The following EBF2 variants were observed in gnomAD, a reference collection of about 807,000 sequenced individuals.
EBF2 encodes the protein EBF transcription factor 2, also known as transcription factor COE2.
EBF2 carries 21 observed loss-of-function variants against 72.8 expected under a neutral mutation model. The ratio of observed to expected loss-of-function variants is 0.29; its 90% CI spans 0.20 to 0.42. The LOEUF (loss-of-function observed/expected upper bound fraction) is 0.42. EBF2 is among the 10% of genes least tolerant of loss of function. EBF2 has a pLI of 1.00. For synonymous variants in EBF2, 299 were observed against 274.2 expected, an observed-to-expected ratio of 1.09 and a Z score of -0.89; for missense variants, 637 against 731.2, an observed-to-expected ratio of 0.87 and a Z score of 1.49.
At chr8:25,953,581 T>G (rs1241171407) in intron 6 of EBF2, among the ~76,000 whole-genome samples, 1 of 152,042 alleles carries the variant, frequency 6.6e-6, no homozygotes, top group Non-Finnish European at 1.5e-5. Flanking sequence ...CTGAATGCAG[T>G]CAGGGCAGCT....
At chr8:25,910,252 C>T (rs533651594) in intron 6 of EBF2, among the ~76,000 whole-genome samples, 2 of 152,308 alleles carry the variant, frequency 1.3e-5, no homozygotes, top group South Asian at 2.1e-4. Context: ...TTTGTACACT[C>T]GTAGCAGAGT....
At chr8:26,006,131 C>T (rs772295311) in intron 6 of EBF2, among the ~76,000 whole-genome samples, 51 of 152,230 alleles carry the variant, frequency 3.4e-4, no homozygotes, top group Middle Eastern at 3.4e-3. Context: ...GAAAGCTGAT[C>T]CAGGTGATCT....
At chr8:25,864,557 T>G (rs980480388) in intron 10 of EBF2, among the ~76,000 whole-genome samples, 1 of 152,062 alleles carries the variant, frequency 6.6e-6, no homozygotes, top group Non-Finnish European at 1.5e-5. Flanking sequence ...TGTATACATA[T>G]ATGAATGTTT....
intron 6 of EBF2, among the ~76,000 whole-genome samples, chr8:25,914,162 G>A (rs1008471493): frequency 6.6e-6 from 1 of 152,194 alleles, no homozygotes; most frequent in African/African-American, 2.4e-5. Context: ...TTCTCACTCT[G>A]AGAATGGCCC....
chr8:25,935,014 T>A (rs1803552088), intron 6 of EBF2, among the ~76,000 whole-genome samples: 1 of 152,142 alleles, frequency 6.6e-6, no homozygotes, highest in Non-Finnish European at 1.5e-5. Flanking sequence ...TTGCAAGCTG[T>A]TTCTCGCCAG....
At position 25,924,736 on chromosome 8, in the gene EBF2, G is replaced by A. The variant is rs182139111; in HGVS notation, c.552-16181C>T. Among the ~76,000 whole-genome samples the A allele has an allele frequency of 1.4e-4, 21 of 152,330 alleles. No homozygotes were observed. The East Asian group carries it at 3.1e-3, about 22-fold the overall frequency. Reference sequence around the variant, plus strand: ...GGCTTTCATTAGCATGACTAATCCCGAAGTTCTGTGGTTTGATGATCAGAC... The same window carrying A: ...GGCTTTCATTAGCATGACTAATCCCAAAGTTCTGTGGTTTGATGATCAGAC... On this transcript the variant is annotated intron_variant, in intron 6 of 15. Transcript: ENST00000520164.
chr8:25,896,052 TTTTC>T (rs1802859791), intron 7 of EBF2, among the ~76,000 whole-genome samples: 2 of 152,172 alleles, frequency 1.3e-5, no homozygotes, highest in African/African-American at 4.8e-5. Context: ...CAGCTAGGCT[TTTTC>T]AGCTCCTACC....
At chr8:25,927,001 G>C (rs560205258) in intron 6 of EBF2, among the ~76,000 whole-genome samples, 1 of 152,278 alleles carries the variant, frequency 6.6e-6, no homozygotes, top group African/African-American at 2.4e-5. Flanking sequence ...TGTCAACATG[G>C]CTGGGTTCTA....
At chr8:25,969,736 T>G (rs1037516624) in intron 6 of EBF2, among the ~76,000 whole-genome samples, 2 of 152,212 alleles carry the variant, frequency 1.3e-5, no homozygotes, top group Non-Finnish European at 2.9e-5. Flanking sequence ...GGCACCAGTT[T>G]CCTTATCACC....
chr8:25,908,458 C>A lies in EBF2; in HGVS notation c.633+16G>T, dbSNP rs776579717. ...GGATGACTTATTTAACAGGAAAGAT[C>A]TGCAGGGCCCCTTACCTGAAACCGT... On this transcript the variant is annotated intron_variant, in intron 7 of 15. Transcript: ENST00000520164. 3.1e-6 allele frequency: 5 copies of A among 1,587,310 alleles called. No individual in the cohort carries two copies. The highest frequency in any genetic ancestry group is 1.1e-5 in the South Asian group (1 of 89,672).
chr8:25,870,552 C>T (rs1410329522), intron 10 of EBF2, among the ~76,000 whole-genome samples: 1 of 152,120 alleles, frequency 6.6e-6, no homozygotes, highest in East Asian at 1.9e-4. Flanking sequence ...GAGGAATTTT[C>T]TGGAGCTGGG....
chr8:25,925,604 T>C (rs1306470176), intron 6 of EBF2, among the ~76,000 whole-genome samples: 4 of 152,196 alleles, frequency 2.6e-5, no homozygotes, highest in Non-Finnish European at 5.9e-5. Flanking sequence ...GTGCAGTGTG[T>C]GCGTGCATGT....
chr8:25,998,813 T>C (rs1419162014), intron 6 of EBF2, among the ~76,000 whole-genome samples: 1 of 152,194 alleles, frequency 6.6e-6, no homozygotes, highest in East Asian at 1.9e-4. Context: ...TTAAGCACAC[T>C]ACCTGGCATT....
chr8:25,883,283 A>G (rs1051012750), intron 10 of EBF2, among the ~76,000 whole-genome samples: 6 of 152,170 alleles, frequency 3.9e-5, no homozygotes, highest in Non-Finnish European at 7.3e-5. Context: ...CAAAAATGTC[A>G]GCTATTGCTA....
intron 14 of EBF2, among the ~76,000 whole-genome samples, chr8:25,855,277 T>TGTCA (rs1470982199): frequency 6.6e-6 from 1 of 152,166 alleles, no homozygotes; most frequent in Admixed American, 6.5e-5. Context: ...CTAAGGGGTC[T>TGTCA]GTCAGCATTT....
intron 6 of EBF2, among the ~76,000 whole-genome samples, chr8:25,927,289 A>G (rs973688617): frequency 2.4e-4 from 32 of 131,282 alleles, no homozygotes; most frequent in African/African-American, 8.8e-4. Flanking sequence ...ACAATAAGCC[A>G]ATTCCTTATC....
rs114899577 is a variant in EBF2 at position 25,847,945 on chromosome 8, C to T, written c.1696+2649G>A. Among the ~76,000 whole-genome samples, 1,360 of 152,066 alleles carry T rather than the reference C, an allele frequency of 8.9e-3. 18 individuals are homozygous for T. The highest frequency in any genetic ancestry group is 0.03 in the African/African-American group (1,262 of 41,438). ...GTGGATACTGCTAAGGTAACTCGTGCGCCGAAATCTCAAATCACCACTAGA... is the reference window on the plus strand; with the variant it reads ...GTGGATACTGCTAAGGTAACTCGTGTGCCGAAATCTCAAATCACCACTAGA... On this transcript the variant is annotated intron_variant, in intron 15 of 15. Transcript: ENST00000520164.
chr8:25,914,636 A>G (rs1027484375), intron 6 of EBF2, among the ~76,000 whole-genome samples: 5 of 152,206 alleles, frequency 3.3e-5, no homozygotes, highest in African/African-American at 1.2e-4. Flanking sequence ...TCTGCTTGGC[A>G]AGATGGTGGC....
chr8:25,948,644 C>T (rs1303722407), intron 6 of EBF2, among the ~76,000 whole-genome samples: 1 of 152,174 alleles, frequency 6.6e-6, no homozygotes, highest in Non-Finnish European at 1.5e-5. Flanking sequence ...GAGGCCCTTC[C>T]CGAAATGACA....
Sources: gnomAD v4.1 joint callset for allele counts (sites outside exome capture counted in the v4.1 genomes callset) on GRCh38, gnomAD v4.1.1 for gene constraint, MANE v1.5 for transcripts, NCBI Gene and HGNC (gene_info 2026-07-23, HGNC 2026-07-21) for gene names.